Variants in ARFGEF1 observed in about 807,000 individuals in gnomAD.
ARFGEF1 encodes ARF guanine nucleotide exchange factor 1.
Under a neutral mutation model 231.0 loss-of-function variants are expected in ARFGEF1, and 42 were observed. The ratio of observed to expected loss-of-function variants is 0.18; its 90% confidence interval spans 0.14 to 0.24. The LOEUF (loss-of-function observed/expected upper bound fraction) is 0.24. ARFGEF1 is among the 10% of genes least tolerant of loss of function. ARFGEF1 has a pLI of 1.00. For missense variants in ARFGEF1, 1,345 were observed against 2,192.0 expected, an observed-to-expected ratio of 0.61 and a Z score of 7.72; for synonymous variants, 710 against 732.3, an observed-to-expected ratio of 0.97 and a Z score of 0.49.
downstream of ARFGEF1, among the ~76,000 whole-genome samples, chr8:67,195,124 G>A (rs1008201290): frequency 2.6e-5 from 4 of 152,070 alleles, no homozygotes; most frequent in Non-Finnish European, 5.9e-5. Flanking sequence ...AATCCCTCTG[G>A]TTGCTAGTGC....
chr8:67,336,252 A>T (rs1240144287), intron 1 of ARFGEF1, among the ~76,000 whole-genome samples: 1 of 152,238 alleles, frequency 6.6e-6, no homozygotes, highest in Non-Finnish European at 1.5e-5. Flanking sequence ...AAAGCCTCAG[A>T]ATAACTGCTT....
chr8:67,227,675 G>T, intron 25 of ARFGEF1, 77 bp from the exon 26 acceptor site: 1 of 1,492,448 alleles, frequency 6.7e-7, no homozygotes, highest in East Asian at 2.3e-5. Flanking sequence ...TTTTGTTTTA[G>T]AAAAAGTATA....
At chr8:67,289,549 CAAAAAAAAAAAAA>C (rs552601455) in intron 6 of ARFGEF1, among the ~76,000 whole-genome samples, 884 of 44,888 alleles carry the variant, frequency 0.02, 20 homozygotes, top group African/African-American at 0.051. Flanking sequence ...ACTCTGTATC[CAAAAAAAAAAAAA>C]AAAAAAAAAA....
At chr8:67,181,795 T>C (rs953503077) in intron 5 of ARFGEF1, among the ~76,000 whole-genome samples, 5 of 152,146 alleles carry the variant, frequency 3.3e-5, no homozygotes, top group Non-Finnish European at 7.4e-5. Flanking sequence ...ATCTTGAAAA[T>C]AGAAACTCTT....
intron 5 of ARFGEF1, among the ~76,000 whole-genome samples, chr8:67,295,368 T>C (rs776993552): frequency 1.3e-5 from 2 of 152,166 alleles, no homozygotes; most frequent in Non-Finnish European, 2.9e-5. Context: ...GACAGATAAC[T>C]ACCTTAACCA....
At position 67,185,302 on chromosome 8, in the gene ARFGEF1, C is replaced by T. The variant is rs186421820; in HGVS notation, c.561-9730G>A. Among the ~76,000 whole-genome samples the T allele has an allele frequency of 4.4e-3, 676 of 152,194 alleles. 9 individuals are homozygous for T. Among genetic ancestry groups the T allele is most frequent in the African/African-American group, 0.015 (641 of 41,524 alleles). On this transcript the variant is annotated intron_variant, in intron 5 of 5. Coordinates refer to the ARFGEF1 transcript ENST00000518789. ...CCCTGAGGCCCCAGAACTATCTTTTCGGTTGTGAACTAAAGGCCGACAAAG... is the reference window on the plus strand; with the variant it reads ...CCCTGAGGCCCCAGAACTATCTTTTTGGTTGTGAACTAAAGGCCGACAAAG...
intron 14 of ARFGEF1, 97 bp downstream of exon 14, chr8:67,265,909 A>G: frequency 1.9e-6 from 2 of 1,078,932 alleles, no homozygotes; most frequent in Non-Finnish European, 1.4e-6. Flanking sequence ...ACTATCCTCC[A>G]TTTTACTCAT....
chr8:67,264,435 G>C (rs1014255527), intron 14 of ARFGEF1, among the ~76,000 whole-genome samples: 1 of 151,976 alleles, frequency 6.6e-6, no homozygotes, highest in Non-Finnish European at 1.5e-5. Flanking sequence ...TAGCATGCTG[G>C]GGTTACTACC....
At chr8:67,193,454 C>T (rs774609234), downstream of ARFGEF1, 3 of 1,606,868 alleles carry the variant, frequency 1.9e-6, no homozygotes, top group Admixed American at 3.4e-5. Flanking sequence ...GTTCTGTTTT[C>T]TAACTACAGG....
intron 28 of ARFGEF1, 49 bp from the exon 29 acceptor site, chr8:67,225,082 C>A: frequency 6.7e-7 from 1 of 1,483,836 alleles, no homozygotes; most frequent in Non-Finnish European, 9.0e-7. Flanking sequence ...AACACCCATA[C>A]ATTCAGTATA....
At chr8:67,290,114 A>G (rs970974591) in intron 6 of ARFGEF1, among the ~76,000 whole-genome samples, 1 of 152,226 alleles carries the variant, frequency 6.6e-6, no homozygotes, top group Non-Finnish European at 1.5e-5. Flanking sequence ...ATGGCTGTCA[A>G]ACAGAATTTT....
At chr8:67,197,368 C>T (rs939898914), downstream of ARFGEF1, among the ~76,000 whole-genome samples, 4 of 152,052 alleles carry the variant, frequency 2.6e-5, no homozygotes, top group African/African-American at 9.7e-5. Context: ...GTGTGAGAAT[C>T]GTGAGCCCAG....
chr8:67,251,596 C>T (rs1409171552), intron 18 of ARFGEF1, 146 bp from the exon 19 acceptor site: 2 of 768,906 alleles, frequency 2.6e-6, no homozygotes, highest in African/African-American at 1.8e-5. Context: ...TATATGATTA[C>T]ACTTATATGA....
At chr8:67,339,805 G>GGGGGC (rs79194289) in intron 1 of ARFGEF1, among the ~76,000 whole-genome samples, 32 of 92,752 alleles carry the variant, frequency 3.5e-4, no homozygotes, top group South Asian at 1.0e-3. Flanking sequence ...CGGGGGGGGG[G>GGGGGC]ATTCTTTCTT....
chr8:67,339,937 G>C (rs1196902151), intron 1 of ARFGEF1, among the ~76,000 whole-genome samples: 1 of 151,622 alleles, frequency 6.6e-6, no homozygotes, highest in Non-Finnish European at 1.5e-5. Context: ...AGTTCCTTGA[G>C]AAGTCTTTGA....
At chr8:67,329,005 A>G (rs999689867) in intron 1 of ARFGEF1, among the ~76,000 whole-genome samples, 1 of 152,076 alleles carries the variant, frequency 6.6e-6, no homozygotes, top group East Asian at 1.9e-4. Context: ...AGGCGGGCGG[A>G]TCACGAGATC....
intron 19 of ARFGEF1, among the ~76,000 whole-genome samples, chr8:67,250,008 G>A (rs2128884058): frequency 6.6e-6 from 1 of 152,340 alleles, no homozygotes; most frequent in Admixed American, 6.5e-5. Context: ...TGAATGCCCT[G>A]AAGAGAAAAT....
At chr8:67,311,126 G>A (rs1329205295) in intron 1 of ARFGEF1, among the ~76,000 whole-genome samples, 11 of 108,764 alleles carry the variant, frequency 1.0e-4, no homozygotes, top group South Asian at 3.4e-4. Context: ...GGTCAGCCCC[G>A]CGACCGGCCA....
At chr8:67,273,178 T>C (rs541795823) in intron 9 of ARFGEF1, among the ~76,000 whole-genome samples, 7 of 152,174 alleles carry the variant, frequency 4.6e-5, no homozygotes, top group Middle Eastern at 3.4e-3. Flanking sequence ...TAAATAATTC[T>C]GTAATGAAAA....
Sources: gnomAD v4.1 joint callset for allele counts (sites outside exome capture counted in the v4.1 genomes callset) on GRCh38, gnomAD v4.1.1 for gene constraint, MANE v1.5 for transcripts, NCBI Gene and HGNC (gene_info 2026-07-23, HGNC 2026-07-21) for gene names.